B3GALT1: variants seen among roughly 807,000 people sequenced by gnomAD.
The protein encoded by B3GALT1 is UDP-Gal:betaGlcNAc beta 1,3-galactosyltransferase, polypeptide 1.
Under a neutral mutation model 23.2 loss-of-function variants are expected in B3GALT1, and 10 were observed. That is an observed-to-expected ratio of 0.43 (90% CI 0.27 to 0.73). The LOEUF (loss-of-function observed/expected upper bound fraction) is 0.73, where lower values mean the gene tolerates loss of function less well. Ranked by LOEUF, B3GALT1 falls within the 30% of genes least tolerant of loss-of-function variation. The pLI is 0.21. For missense variants in B3GALT1, 299 were observed against 405.4 expected (o/e 0.74, Z 2.25); for synonymous variants, 156 against 141.5 (o/e 1.10, Z -0.73).
chr2:167,431,591 G>A (rs746229769), intron 1 of B3GALT1, among the ~76,000 whole-genome samples: 1 of 152,160 alleles, frequency 6.6e-6, no homozygotes, highest in Non-Finnish European at 1.5e-5. Context: ...TGGACATCAT[G>A]TCTGTCTATT....
intron 1 of B3GALT1, among the ~76,000 whole-genome samples, chr2:167,345,419 A>G (rs558678468): frequency 2.0e-4 from 30 of 152,264 alleles, no homozygotes; most frequent in African/African-American, 6.5e-4. Context: ...AGTTGGCATG[A>G]CAACTTTGGT....
At chr2:167,684,484 A>G (rs1429620992) in intron 3 of B3GALT1, among the ~76,000 whole-genome samples, 6 of 152,136 alleles carry the variant, frequency 3.9e-5, no homozygotes. Context: ...TTTTCAGATC[A>G]TTATGCCTTT....
At chr2:167,435,175 T>C (rs1318323595) in intron 1 of B3GALT1, among the ~76,000 whole-genome samples, 1 of 151,902 alleles carries the variant, frequency 6.6e-6, no homozygotes, top group South Asian at 2.1e-4. Context: ...GAAAGATACA[T>C]ACATTTTTTA....
intron 3 of B3GALT1, among the ~76,000 whole-genome samples, chr2:167,717,352 CAT>C (rs1181936048): frequency 7.2e-5 from 11 of 151,780 alleles, no homozygotes; most frequent in African/African-American, 1.9e-4. Flanking sequence ...AGGTTTGTTA[CAT>C]ATGTATACAT....
intron 1 of B3GALT1, among the ~76,000 whole-genome samples, chr2:167,441,213 G>T (rs1448786577): frequency 6.6e-6 from 1 of 152,220 alleles, no homozygotes; most frequent in African/African-American, 2.4e-5. Flanking sequence ...CCTGGGACAT[G>T]ATTGCACTTT....
intron 1 of B3GALT1, among the ~76,000 whole-genome samples, chr2:167,311,232 G>A (rs2105486201): frequency 6.6e-6 from 1 of 152,170 alleles, no homozygotes; most frequent in East Asian, 1.9e-4. Flanking sequence ...GATTTTAAAA[G>A]TTTTGTGTCA....
chr2:167,424,343 A>G (rs1217057987), intron 1 of B3GALT1, among the ~76,000 whole-genome samples: 2 of 152,240 alleles, frequency 1.3e-5, no homozygotes, highest in African/African-American at 4.8e-5. Context: ...ATAGGCATCT[A>G]AAAATGGTGC....
intron 2 of B3GALT1, among the ~76,000 whole-genome samples, chr2:167,501,590 T>C (rs1015693014): frequency 6.6e-6 from 1 of 151,856 alleles, no homozygotes; most frequent in Non-Finnish European, 1.5e-5. Context: ...TTTATCATTA[T>C]GAAACAATTT....
intron 2 of B3GALT1, among the ~76,000 whole-genome samples, chr2:167,611,077 C>G (rs1277374366): frequency 1.3e-5 from 2 of 151,666 alleles, no homozygotes; most frequent in African/African-American, 4.8e-5. Context: ...AATCTCTACA[C>G]CAAACCCCCA....
At chr2:167,521,984 G>A (rs76043946) in intron 2 of B3GALT1, among the ~76,000 whole-genome samples, 51,681 of 120,802 alleles carry the variant, frequency 0.43, 11,568 homozygotes, top group East Asian at 0.97. Flanking sequence ...GTGTGTGTGT[G>A]TATATATATA....
At chr2:167,835,881 G>A (rs529561772) in intron 4 of B3GALT1, among the ~76,000 whole-genome samples, 1 of 152,302 alleles carries the variant, frequency 6.6e-6, no homozygotes, top group South Asian at 2.1e-4. Flanking sequence ...AAAAACCACT[G>A]TTCTGCAGAC....
At chr2:167,436,597 T>C (rs1458252571) in intron 1 of B3GALT1, among the ~76,000 whole-genome samples, 1 of 152,188 alleles carries the variant, frequency 6.6e-6, no homozygotes, top group African/African-American at 2.4e-5. Context: ...AAAACTACAT[T>C]GTTATATCCC....
intron 1 of B3GALT1, among the ~76,000 whole-genome samples, chr2:167,313,422 GTTTTAA>G (rs1696663345): frequency 6.6e-6 from 1 of 152,238 alleles, no homozygotes; most frequent in African/African-American, 2.4e-5. Context: ...TAATAGAATA[GTTTTAA>G]TTTAAACATA....
chr2:167,837,362 G>A (rs1689504038), intron 4 of B3GALT1, among the ~76,000 whole-genome samples: 1 of 149,214 alleles, frequency 6.7e-6, no homozygotes, highest in Admixed American at 6.9e-5. Context: ...AACAAAAAAA[G>A]GCAGGGGTTG....
At chr2:167,680,265 C>A (rs1220280572) in intron 3 of B3GALT1, among the ~76,000 whole-genome samples, 1 of 152,152 alleles carries the variant, frequency 6.6e-6, no homozygotes, top group Non-Finnish European at 1.5e-5. Context: ...GGAGTCACCA[C>A]GTTGCTAAAA....
chr2:167,521,980 GTGTGTA>G (rs1206821891), intron 2 of B3GALT1, among the ~76,000 whole-genome samples: 5 of 128,134 alleles, frequency 3.9e-5, no homozygotes, highest in Non-Finnish European at 6.5e-5. Flanking sequence ...GTGTGTGTGT[GTGTGTA>G]TATATATATA....
At chr2:167,735,649 G>T (rs1687480798) in intron 3 of B3GALT1, among the ~76,000 whole-genome samples, 1 of 152,132 alleles carries the variant, frequency 6.6e-6, no homozygotes, top group African/African-American at 2.4e-5. Context: ...TATCAGTAAA[G>T]AATACAAGAG....
At chr2:167,740,231 AG>A (rs1222501639) in intron 3 of B3GALT1, among the ~76,000 whole-genome samples, 10 of 152,076 alleles carry the variant, frequency 6.6e-5, no homozygotes, top group African/African-American at 2.4e-4. Flanking sequence ...AGGTTCTCTG[AG>A]GGGTCTACTT....
intron 2 of B3GALT1, among the ~76,000 whole-genome samples, chr2:167,562,410 C>T (rs1046892400): frequency 4.6e-5 from 7 of 152,116 alleles, no homozygotes; most frequent in African/African-American, 1.2e-4. Context: ...ACAGGGTTGC[C>T]CTCTCTCACC....
Sources: gnomAD v4.1 joint callset for allele counts (sites outside exome capture counted in the v4.1 genomes callset) on GRCh38, gnomAD v4.1.1 for gene constraint, MANE v1.5 for transcripts, NCBI Gene and HGNC (gene_info 2026-07-23, HGNC 2026-07-21) for gene names.